The following ABCB1 variants were observed in gnomAD, a reference collection of about 807,000 sequenced individuals.
The protein encoded by ABCB1 is ATP-dependent translocase ABCB1.
Under a neutral mutation model 142.0 loss-of-function variants are expected in ABCB1, and 69 were observed. The observed-to-expected ratio is 0.49, with a 90% CI of 0.40 to 0.59. ABCB1 has a LOEUF of 0.59. Ranked by LOEUF, ABCB1 falls within the 20% of genes least tolerant of loss-of-function variation. The pLI is 0.00. For missense variants in ABCB1, 1,326 were observed against 1,554.7 expected, an observed-to-expected ratio of 0.85 and a Z score of 2.47; for synonymous variants, 532 against 539.2, an observed-to-expected ratio of 0.99 and a Z score of 0.18.
chr7:87,554,910 G>A (rs921647433), intron 8 of ABCB1, among the ~76,000 whole-genome samples: 3 of 152,102 alleles, frequency 2.0e-5, no homozygotes, highest in Non-Finnish European at 4.4e-5. Flanking sequence ...TACAAAAGGG[G>A]CAAAAATGAG....
At chr7:87,643,687 A>ATT in intron 1 of ABCB1, among the ~76,000 whole-genome samples, 1 of 141,456 alleles carries the variant, frequency 7.1e-6, no homozygotes, top group African/African-American at 2.6e-5. Context: ...TGCTCAGCTG[A>ATT]TTTTTTTTTT....
intron 25 of ABCB1, 52 bp from the exon 26 acceptor site, chr7:87,509,533 A>G: frequency 6.4e-7 from 1 of 1,554,798 alleles, no homozygotes; most frequent in Non-Finnish European, 8.9e-7. Context: ...CTTTGAATGT[A>G]GCACAATTAA....
At chr7:87,572,595 G>C (rs1818095590) in intron 4 of ABCB1, among the ~76,000 whole-genome samples, 1 of 152,162 alleles carries the variant, frequency 6.6e-6, no homozygotes, top group Non-Finnish European at 1.5e-5. Flanking sequence ...CTATTATAAA[G>C]ACACATGCAT....
intron 26 of ABCB1, 99 bp downstream of exon 26, chr7:87,509,174 AAT>A (rs1368534908): frequency 8.1e-7 from 1 of 1,235,356 alleles, no homozygotes; most frequent in Admixed American, 1.7e-5. Context: ...TTTGGTTGCT[AAT>A]TTCTCTTCAC....
At chr7:87,555,728 GCA>G (rs969701223) in intron 8 of ABCB1, among the ~76,000 whole-genome samples, 9 of 151,916 alleles carry the variant, frequency 5.9e-5, no homozygotes, top group Admixed American at 2.6e-4. Flanking sequence ...ATACACATAT[GCA>G]CACACACACA....
chr7:87,536,429 A>C, intron 20 of ABCB1, 29 bp downstream of exon 20: 229 of 1,611,434 alleles, frequency 1.4e-4, no homozygotes, highest in Non-Finnish European at 1.7e-4. Context: ...GCCAATTAAG[A>C]CAAACACCAG....
chr7:87,523,535 G>A (rs1264438770), intron 21 of ABCB1, among the ~76,000 whole-genome samples: 3 of 152,178 alleles, frequency 2.0e-5, no homozygotes, highest in African/African-American at 7.2e-5. Flanking sequence ...GGCAGAGGAA[G>A]CGCTCGAACT....
intron 1 of ABCB1, among the ~76,000 whole-genome samples, chr7:87,626,347 A>ATATATATGTGTCGTATATGTGT (rs1820531882): frequency 3.6e-5 from 1 of 27,920 alleles, no homozygotes; most frequent in Non-Finnish European, 5.4e-5. Context: ...TATATGTGTC[A>ATATATATGTGTCGTATATGTGT]TATATATGTG....
intron 26 of ABCB1, among the ~76,000 whole-genome samples, chr7:87,508,964 G>A (rs1243530516): frequency 6.6e-6 from 1 of 152,156 alleles, no homozygotes; most frequent in African/African-American, 2.4e-5. Context: ...GGCTGACAAA[G>A]GTGGAGCCTC....
intron 24 of ABCB1, among the ~76,000 whole-genome samples, chr7:87,515,682 C>G (rs1436816152): frequency 6.6e-6 from 1 of 152,082 alleles, no homozygotes; most frequent in East Asian, 1.9e-4. Flanking sequence ...CCTCCACCCC[C>G]CAGGTTCAAG....
intron 21 of ABCB1, among the ~76,000 whole-genome samples, chr7:87,526,164 C>CT (rs78401397): frequency 0.14 from 20,838 of 144,552 alleles, 1,697 homozygotes; most frequent in African/African-American, 0.21. Context: ...CACCCACCAC[C>CT]TTTTTTTTTT....
intron 1 of ABCB1, among the ~76,000 whole-genome samples, chr7:87,648,750 AT>A (rs1426235270): frequency 6.6e-6 from 1 of 152,132 alleles, no homozygotes; most frequent in African/African-American, 2.4e-5. Context: ...TTTGACAAAA[AT>A]TTATAAAGGT....
intron 20 of ABCB1, among the ~76,000 whole-genome samples, chr7:87,534,667 A>G (rs1411672481): frequency 6.6e-6 from 1 of 151,894 alleles, no homozygotes; most frequent in Non-Finnish European, 1.5e-5. Context: ...TAATCTCAAC[A>G]CTTTGGGAGG....
At chr7:87,625,640 G>A (rs1283664879) in intron 1 of ABCB1, among the ~76,000 whole-genome samples, 1 of 152,198 alleles carries the variant, frequency 6.6e-6, no homozygotes, top group Non-Finnish European at 1.5e-5. Context: ...GAGACTGCCT[G>A]CATAACCAGT....
upstream of ABCB1, among the ~76,000 whole-genome samples, chr7:87,603,409 T>C (rs920167498): frequency 2.0e-5 from 3 of 152,312 alleles, no homozygotes. Flanking sequence ...TACACTGTAG[T>C]ACATTATCAT....
At chr7:87,636,826 A>G (rs1305106273) in intron 1 of ABCB1, among the ~76,000 whole-genome samples, 1 of 152,198 alleles carries the variant, frequency 6.6e-6, no homozygotes, top group East Asian at 1.9e-4. Flanking sequence ...TCATGCTGCT[A>G]TGAGGACATA....
chr7:87,704,606 G>A (rs745930951), intron 1 of ABCB1, among the ~76,000 whole-genome samples: 1 of 152,180 alleles, frequency 6.6e-6, no homozygotes, highest in Non-Finnish European at 1.5e-5. Context: ...ATGTTATCTA[G>A]CAGAGAGTTA....
chr7:87,602,016 C>T (rs371883081), upstream of ABCB1, among the ~76,000 whole-genome samples: 18 of 152,010 alleles, frequency 1.2e-4, no homozygotes, highest in Admixed American at 1.2e-3. Context: ...TTTTTTGAGA[C>T]GGAGTCTTGC....
At chr7:87,610,429 T>G (rs1477121974) in intron 1 of ABCB1, among the ~76,000 whole-genome samples, 1 of 132,588 alleles carries the variant, frequency 7.5e-6, no homozygotes, top group Admixed American at 8.2e-5. Flanking sequence ...TTTTCAGAGA[T>G]AGAGTCTGCC....
Sources: gnomAD v4.1 joint callset for allele counts (sites outside exome capture counted in the v4.1 genomes callset) on GRCh38, gnomAD v4.1.1 for gene constraint, MANE v1.5 for transcripts, NCBI Gene and HGNC (gene_info 2026-07-23, HGNC 2026-07-21) for gene names.